Variants in NRXN3 observed in about 807,000 individuals in gnomAD.
The protein encoded by NRXN3 is neurexin III.
In NRXN3, 32 loss-of-function variants were observed where a neutral mutation model predicts 137.6. The ratio of observed to expected loss-of-function variants is 0.23; its 90% confidence interval spans 0.18 to 0.31. The LOEUF (loss-of-function observed/expected upper bound fraction) is 0.31. Ranked by LOEUF, NRXN3 falls within the 10% of genes least tolerant of loss-of-function variation. NRXN3 has a pLI of 1.00. For synonymous variants in NRXN3, 798 were observed against 784.5 expected (o/e 1.02, Z -0.29); for missense variants, 1,574 against 2,062.5 (o/e 0.76, Z 4.59).
intron 16 of NRXN3, among the ~76,000 whole-genome samples, chr14:79,471,989 C>G (rs143658024): frequency 2.8e-3 from 426 of 152,208 alleles, no homozygotes; most frequent in African/African-American, 9.5e-3. Flanking sequence ...CCTCTCCCTC[C>G]TCCCACCCTC....
intron 5 of NRXN3, among the ~76,000 whole-genome samples, chr14:78,649,704 TCA>T (rs1278611875): frequency 6.6e-6 from 1 of 151,980 alleles, no homozygotes; most frequent in Non-Finnish European, 1.5e-5. Flanking sequence ...CCTCTCCCTC[TCA>T]CTCTTCCTCT....
chr14:79,315,895 G>A (rs2088528781), intron 15 of NRXN3, among the ~76,000 whole-genome samples: 1 of 152,168 alleles, frequency 6.6e-6, no homozygotes, highest in Non-Finnish European at 1.5e-5. Flanking sequence ...TTTGCTACTG[G>A]AAAGAAAGCA....
intron 1 of NRXN3, among the ~76,000 whole-genome samples, chr14:78,226,251 C>T (rs941919163): frequency 1.3e-5 from 2 of 152,134 alleles, no homozygotes; most frequent in Admixed American, 6.5e-5. Flanking sequence ...GATCCACTCA[C>T]CTTCACATCC....
intron 1 of NRXN3, among the ~76,000 whole-genome samples, chr14:78,233,702 A>AAAT (rs2065787868): frequency 6.6e-6 from 1 of 151,498 alleles, no homozygotes; most frequent in Non-Finnish European, 1.5e-5. Flanking sequence ...AAAAAAAAAA[A>AAAT]AAAAAGAATG....
At chr14:79,144,431 A>G (rs2059106012) in intron 15 of NRXN3, among the ~76,000 whole-genome samples, 1 of 152,220 alleles carries the variant, frequency 6.6e-6, no homozygotes, top group Admixed American at 6.5e-5. Flanking sequence ...ACTTGTTTGT[A>G]GTACTTCTAG....
chr14:79,656,413 T>C (rs1355171427), intron 16 of NRXN3, among the ~76,000 whole-genome samples: 10 of 151,978 alleles, frequency 6.6e-5, no homozygotes, highest in Admixed American at 2.6e-4. Context: ...GACATTGGGG[T>C]CTGTGAATGA....
intron 15 of NRXN3, among the ~76,000 whole-genome samples, chr14:79,452,472 C>T (rs190215031): frequency 9.2e-5 from 14 of 152,096 alleles, no homozygotes; most frequent in Admixed American, 2.6e-4. Flanking sequence ...GATGAGGGCC[C>T]GGAAAATGAG....
chr14:78,294,163 G>GAA (rs1436615929), intron 3 of NRXN3, among the ~76,000 whole-genome samples: 1 of 152,130 alleles, frequency 6.6e-6, no homozygotes, highest in Non-Finnish European at 1.5e-5. Flanking sequence ...AACACACACT[G>GAA]AACACTTATT....
intron 19 of NRXN3, among the ~76,000 whole-genome samples, chr14:79,782,225 C>A (rs138559889): frequency 8.3e-4 from 126 of 152,252 alleles, no homozygotes; most frequent in African/African-American, 2.7e-3. Flanking sequence ...AATTGAAATA[C>A]CCCTCTCTCT....
intron 4 of NRXN3, among the ~76,000 whole-genome samples, chr14:78,458,565 A>G (rs2094823459): frequency 6.6e-6 from 1 of 152,120 alleles, no homozygotes; most frequent in South Asian, 2.1e-4. Context: ...GAATCTGTGT[A>G]TCTATTTATA....
At chr14:79,471,390 G>C (rs895838462) in intron 16 of NRXN3, among the ~76,000 whole-genome samples, 1 of 152,160 alleles carries the variant, frequency 6.6e-6, no homozygotes, top group South Asian at 2.1e-4. Flanking sequence ...TTTTGTGAAC[G>C]TGCACTACAC....
At chr14:78,221,599 C>A (rs1272725889) in intron 1 of NRXN3, among the ~76,000 whole-genome samples, 3 of 152,152 alleles carry the variant, frequency 2.0e-5, no homozygotes, top group Non-Finnish European at 4.4e-5. Flanking sequence ...CAATAGTAAG[C>A]CTTGATTTAG....
intron 20 of NRXN3, among the ~76,000 whole-genome samples, chr14:79,857,110 C>T (rs2099404252): frequency 6.6e-6 from 1 of 152,198 alleles, no homozygotes; most frequent in South Asian, 2.1e-4. Flanking sequence ...ACTTCATGAT[C>T]TCTGGGAAGT....
intron 16 of NRXN3, among the ~76,000 whole-genome samples, chr14:79,659,780 G>A (rs2098524310): frequency 6.6e-6 from 1 of 152,098 alleles, no homozygotes; most frequent in Non-Finnish European, 1.5e-5. Context: ...CCAGACCAGG[G>A]TCATACAGCT....
intron 6 of NRXN3, among the ~76,000 whole-genome samples, chr14:78,692,070 A>T (rs2098176410): frequency 6.6e-6 from 1 of 152,192 alleles, no homozygotes; most frequent in African/African-American, 2.4e-5. Context: ...ACTAATATTT[A>T]CTTTGTTTGG....
chr14:78,904,597 G>A (rs994824869), intron 10 of NRXN3, among the ~76,000 whole-genome samples: 2 of 151,790 alleles, frequency 1.3e-5, no homozygotes, highest in Non-Finnish European at 2.9e-5. Context: ...CCTCTCCCTC[G>A]AATTCTAGCT....
At chr14:78,811,682 A>G (rs2098913797) in intron 10 of NRXN3, among the ~76,000 whole-genome samples, 1 of 152,144 alleles carries the variant, frequency 6.6e-6, no homozygotes, top group South Asian at 2.1e-4. Context: ...TGCTAGTTTA[A>G]ACTTCTTTCT....
intron 4 of NRXN3, among the ~76,000 whole-genome samples, chr14:78,331,960 G>C (rs2080869182): frequency 6.6e-6 from 1 of 152,170 alleles, no homozygotes; most frequent in African/African-American, 2.4e-5. Flanking sequence ...AAACAGCTGG[G>C]TGTTAACTAT....
chr14:79,406,221 A>T (rs771980667), intron 15 of NRXN3, among the ~76,000 whole-genome samples: 3 of 151,350 alleles, frequency 2.0e-5, no homozygotes, highest in Non-Finnish European at 4.4e-5. Context: ...CATACTCAAG[A>T]TCATCCTTTA....
Sources: gnomAD v4.1 joint callset for allele counts (sites outside exome capture counted in the v4.1 genomes callset) on GRCh38, gnomAD v4.1.1 for gene constraint, MANE v1.5 for transcripts, NCBI Gene and HGNC (gene_info 2026-07-23, HGNC 2026-07-21) for gene names.